GMCL1: variants seen among roughly 807,000 people sequenced by gnomAD.
GMCL1 encodes the protein germ cell-less 1, spermatogenesis associated.
In GMCL1, 54 loss-of-function variants were observed where a neutral mutation model predicts 75.5. The observed-to-expected ratio is 0.71, with a 90% CI of 0.57 to 0.90. The LOEUF (loss-of-function observed/expected upper bound fraction) is 0.90, where lower values mean the gene tolerates loss of function less well. Among genes scored for constraint, GMCL1 ranks in the 40% least tolerant of loss-of-function variants. The pLI is 0.00. For missense variants in GMCL1, 537 were observed against 622.7 expected (o/e 0.86, Z 1.47); for synonymous variants, 210 against 209.6 (o/e 1.00, Z -0.02).
At chr2:69,857,972 T>C (rs1425627736) in intron 9 of GMCL1, among the ~76,000 whole-genome samples, 2 of 152,216 alleles carry the variant, frequency 1.3e-5, no homozygotes, top group South Asian at 2.1e-4. Flanking sequence ...TCAAATAATA[T>C]GGTTTTAGAG....
At chr2:69,856,638 T>TC (rs1675475197) in intron 9 of GMCL1, among the ~76,000 whole-genome samples, 1 of 102,854 alleles carries the variant, frequency 9.7e-6, no homozygotes, top group Non-Finnish European at 2.0e-5. Flanking sequence ...ATCTCTTCCC[T>TC]CCTTTTTTTT....
chr2:69,869,004 G>T (rs1365041684), intron 11 of GMCL1, among the ~76,000 whole-genome samples: 2 of 151,546 alleles, frequency 1.3e-5, no homozygotes, highest in Non-Finnish European at 2.9e-5. Context: ...TGTAGTCCCA[G>T]CACTTTGGGA....
intron 13 of GMCL1, among the ~76,000 whole-genome samples, chr2:69,878,549 A>G (rs1259662194): frequency 6.6e-6 from 1 of 152,250 alleles, no homozygotes; most frequent in East Asian, 1.9e-4. Flanking sequence ...GCCCAGTGAG[A>G]AGTTTATGTA....
chr2:69,846,478 A>G (rs1434454566), intron 6 of GMCL1, among the ~76,000 whole-genome samples: 2 of 152,214 alleles, frequency 1.3e-5, no homozygotes, highest in Non-Finnish European at 2.9e-5. Context: ...ATGCCATTTT[A>G]TATAAGGGAC....
chr2:69,838,172 A>G (rs1674873391), intron 2 of GMCL1, among the ~76,000 whole-genome samples: 1 of 151,840 alleles, frequency 6.6e-6, no homozygotes, highest in Admixed American at 6.6e-5. Flanking sequence ...ACCCCACTTT[A>G]AAAATTCAGA....
chr2:69,831,502 C>T (rs1674671150), intron 1 of GMCL1, among the ~76,000 whole-genome samples: 1 of 152,140 alleles, frequency 6.6e-6, no homozygotes, highest in Admixed American at 6.5e-5. Flanking sequence ...AAGCGATCCT[C>T]CCACCTAAGC....
chr2:69,868,078 T>G (rs1372185262), intron 11 of GMCL1, among the ~76,000 whole-genome samples: 1 of 152,208 alleles, frequency 6.6e-6, no homozygotes, highest in Non-Finnish European at 1.5e-5. Context: ...CTCTTTGTAC[T>G]GGACTCTATC....
At chr2:69,840,517 G>GT (rs1050681619) in intron 3 of GMCL1, among the ~76,000 whole-genome samples, 1 of 152,204 alleles carries the variant, frequency 6.6e-6, no homozygotes, top group African/African-American at 2.4e-5. Context: ...CTGGGAATGA[G>GT]TGTGGCATGG....
intron 3 of GMCL1, 64 bp from the exon 4 acceptor site, chr2:69,840,878 A>T: frequency 1.8e-6 from 2 of 1,098,450 alleles, no homozygotes; most frequent in South Asian, 1.5e-5. Context: ...CGTTGTTGTT[A>T]TTTGTATAAC....
intron 7 of GMCL1, among the ~76,000 whole-genome samples, chr2:69,848,936 G>A (rs1675230689): frequency 6.6e-6 from 1 of 152,170 alleles, no homozygotes; most frequent in Admixed American, 6.5e-5. Flanking sequence ...GCAGCAGTAA[G>A]ACAAAGAAGC....
chr2:69,855,056 A>G, intron 9 of GMCL1, 96 bp downstream of exon 9: 4 of 1,004,248 alleles, frequency 4.0e-6, no homozygotes, highest in Non-Finnish European at 5.8e-6. Flanking sequence ...AGAAATTATT[A>G]TTAATCCCAA....
chr2:69,872,383 T>C (rs931529191), intron 13 of GMCL1, among the ~76,000 whole-genome samples: 1 of 152,210 alleles, frequency 6.6e-6, no homozygotes, highest in African/African-American at 2.4e-5. Context: ...AAGTAGACCA[T>C]TTTTAAAAGT....
intron 1 of GMCL1, among the ~76,000 whole-genome samples, chr2:69,836,703 G>C (rs1249568283): frequency 6.6e-6 from 1 of 152,204 alleles, no homozygotes; most frequent in African/African-American, 2.4e-5. Context: ...ATCAGCCTCT[G>C]CCTAAGGCCT....
chr2:69,839,425 T>A, intron 2 of GMCL1, 32 bp from the exon 3 acceptor site: 1 of 1,326,708 alleles, frequency 7.5e-7, no homozygotes, highest in Non-Finnish European at 1.1e-6. Flanking sequence ...CAGAAAGTAC[T>A]TGATAATCGT....
intron 8 of GMCL1, among the ~76,000 whole-genome samples, chr2:69,850,216 TGAGAG>T (rs1675274653): frequency 6.6e-6 from 1 of 152,140 alleles, no homozygotes; most frequent in Non-Finnish European, 1.5e-5. Context: ...CATACATTTG[TGAGAG>T]GAGAGCTTCC....
At chr2:69,844,085 G>A in intron 5 of GMCL1, 46 bp from the exon 6 acceptor site, 1 of 906,142 alleles carries the variant, frequency 1.1e-6, no homozygotes, top group Admixed American at 2.8e-5. Context: ...TTAATAAATT[G>A]TAAATACATG....
chr2:69,848,356 TTTG>T (rs1675215200), intron 7 of GMCL1, among the ~76,000 whole-genome samples: 1 of 152,184 alleles, frequency 6.6e-6, no homozygotes, highest in African/African-American at 2.4e-5. Flanking sequence ...GAGGTGAAAT[TTTG>T]TTACTGTTTT....
At chr2:69,838,198 G>C (rs923451537) in intron 2 of GMCL1, among the ~76,000 whole-genome samples, 1 of 151,684 alleles carries the variant, frequency 6.6e-6, no homozygotes, top group Non-Finnish European at 1.5e-5. Context: ...CATAGCTGAC[G>C]TGGTGTTGGG....
At chr2:69,843,802 A>G (rs575820099) in intron 5 of GMCL1, among the ~76,000 whole-genome samples, 1 of 152,300 alleles carries the variant, frequency 6.6e-6, no homozygotes, top group South Asian at 2.1e-4. Flanking sequence ...AGTAGGCCTG[A>G]TAGACTGACA....
Sources: allele counts gnomAD v4.1 joint callset (sites outside exome capture counted in the v4.1 genomes callset), GRCh38; gene constraint gnomAD v4.1.1; transcripts MANE v1.5; gene names NCBI Gene and HGNC (gene_info 2026-07-23, HGNC 2026-07-21).